ATP10B: variants seen among roughly 807,000 people sequenced by gnomAD.
ATP10B encodes the protein ATPase phospholipid transporting 10B (putative), also known as phospholipid-transporting ATPase VB.
ATP10B carries 122 observed loss-of-function variants against 141.2 expected under a neutral mutation model. The observed-to-expected ratio is 0.86, with a 90% CI of 0.75 to 1.00. The LOEUF (loss-of-function observed/expected upper bound fraction) is 1.00. Ranked by LOEUF, ATP10B falls within the 50% of genes least tolerant of loss-of-function variation. The probability of loss-of-function intolerance (pLI) is 0.00; values close to 1 mark genes in which losing one functional copy is unlikely to be tolerated. For missense variants in ATP10B, 1,876 were observed against 1,825.3 expected, an observed-to-expected ratio of 1.03 and a Z score of -0.51; for synonymous variants, 685 against 692.0, an observed-to-expected ratio of 0.99 and a Z score of 0.16.
chr5:160,908,404 T>C, the ATP10B span, among the ~76,000 whole-genome samples: 15 of 152,294 alleles, frequency 9.8e-5, no homozygotes, highest in East Asian at 2.5e-3. Context: ...CGCTGGCCCA[T>C]AGTCATTGAA....
chr5:160,782,867 T>C (rs1205406281), intron 2 of ATP10B, among the ~76,000 whole-genome samples: 1 of 152,080 alleles, frequency 6.6e-6, no homozygotes, highest in African/African-American at 2.4e-5. Flanking sequence ...GAATAGCTTG[T>C]ATAAAAGGAT....
chr5:160,893,359 G>A, the ATP10B span, among the ~76,000 whole-genome samples: 1 of 152,136 alleles, frequency 6.6e-6, no homozygotes, highest in Non-Finnish European at 1.5e-5. Flanking sequence ...AGCTTGGTGG[G>A]GGGAGGGGTG....
At chr5:160,862,403 T>C in the ATP10B span, among the ~76,000 whole-genome samples, 1 of 151,984 alleles carries the variant, frequency 6.6e-6, no homozygotes, top group Non-Finnish European at 1.5e-5. Context: ...GTTTACCCTG[T>C]GGATTTCACA....
intron 3 of ATP10B, among the ~76,000 whole-genome samples, chr5:160,698,403 A>G (rs1764492477): frequency 2.0e-5 from 3 of 152,114 alleles, no homozygotes; most frequent in Admixed American, 2.0e-4. Flanking sequence ...TACTGTTGAG[A>G]TTAATATATT....
At chr5:160,697,420 T>C (rs1764433612) in intron 3 of ATP10B, among the ~76,000 whole-genome samples, 3 of 152,176 alleles carry the variant, frequency 2.0e-5, no homozygotes, top group Admixed American at 6.5e-5. Flanking sequence ...CATCTACATA[T>C]AGCTGCTTGT....
chr5:160,835,631 T>G (rs1476449283), intron 1 of ATP10B, among the ~76,000 whole-genome samples: 1 of 152,152 alleles, frequency 6.6e-6, no homozygotes, highest in African/African-American at 2.4e-5. Context: ...CCACATCATT[T>G]TCAACCAAAG....
At chr5:160,632,617 G>T in intron 12 of ATP10B, 16 of 186,468 alleles carry the variant, frequency 8.6e-5, no homozygotes, top group East Asian at 2.1e-4. Flanking sequence ...TATTTCCTCA[G>T]AGGTTTTTTT....
chr5:160,927,253 A>C, the ATP10B span, among the ~76,000 whole-genome samples: 1 of 152,206 alleles, frequency 6.6e-6, no homozygotes, highest in East Asian at 1.9e-4. Context: ...GGGTGGCTTG[A>C]TAAAGCAGGG....
intron 24 of ATP10B, among the ~76,000 whole-genome samples, chr5:160,573,229 A>G (rs1342619805): frequency 6.6e-6 from 1 of 152,230 alleles, no homozygotes; most frequent in African/African-American, 2.4e-5. Context: ...TCATTCAGCC[A>G]TGTGAGTGAT....
At chr5:160,626,320 A>G (rs1484767875) in intron 13 of ATP10B, among the ~76,000 whole-genome samples, 2 of 152,210 alleles carry the variant, frequency 1.3e-5, no homozygotes, top group Non-Finnish European at 1.5e-5. Context: ...TTTGAGCTCA[A>G]ACGATATCCT....
At chr5:160,809,786 T>C (rs1271905584) in intron 1 of ATP10B, among the ~76,000 whole-genome samples, 21 of 152,200 alleles carry the variant, frequency 1.4e-4, no homozygotes, top group Non-Finnish European at 2.9e-5. Flanking sequence ...TCCTTAAACA[T>C]AGAACTCATC....
chr5:160,590,409 G>C (rs1002549536), intron 23 of ATP10B, among the ~76,000 whole-genome samples: 2 of 152,132 alleles, frequency 1.3e-5, no homozygotes, highest in African/African-American at 2.4e-5. Flanking sequence ...GGTTGGATAA[G>C]CAACAGTGTT....
In ATP10B at chr5:160,598,982, G is replaced by C. The variant is rs912943192; in HGVS notation, c.3364-12C>G. 1.2e-6 allele frequency: 2 copies of C among 1,613,250 alleles called. No homozygotes were observed. Among genetic ancestry groups the C allele is most frequent in the South Asian group, 2.2e-5 (2 of 90,918 alleles). On this transcript the variant is annotated splice_polypyrimidine_tract_variant and intron_variant, in intron 21 of 25. Coordinates refer to ENST00000327245, the MANE Select transcript of ATP10B (RefSeq NM_025153.3). ...AGGTTGACGTAGCACTGCAGGCAGA[G>C]AGCATGGCCTTGTGAGTGGGGCTCC... is the stretch of plus-strand genomic sequence containing the variant.
chr5:160,828,698 C>G (rs990196650), intron 1 of ATP10B, among the ~76,000 whole-genome samples: 2 of 151,894 alleles, frequency 1.3e-5, no homozygotes, highest in African/African-American at 4.9e-5. Flanking sequence ...CCAGCCATCC[C>G]ATTACTGGGT....
intron 17 of ATP10B, among the ~76,000 whole-genome samples, chr5:160,615,089 C>T (rs937017360): frequency 6.6e-6 from 1 of 152,208 alleles, no homozygotes; most frequent in African/African-American, 2.4e-5. Context: ...TTCCATGCTG[C>T]AGCAAGCAGC....
chr5:160,822,899 G>T lies in ATP10B; in HGVS notation c.-576+29042C>A, dbSNP rs1268960997. ...ACAGGGTAGTTGGAGGGGTAGTGGA[G>T]ATGGCTAATGGGTACAAAAAATAGA... On this transcript the variant is annotated intron_variant, in intron 1 of 25. Coordinates refer to ENST00000327245, the MANE Select transcript of ATP10B (RefSeq NM_025153.3). Among the ~76,000 whole-genome samples the T allele has an allele frequency of 2.0e-5, 3 of 149,490 alleles. No homozygotes were observed. The Admixed American group carries it at 2.0e-4, about 10-fold the overall frequency.
At chr5:160,928,324 T>C in the ATP10B span, among the ~76,000 whole-genome samples, 2 of 152,170 alleles carry the variant, frequency 1.3e-5, no homozygotes, top group Admixed American at 1.3e-4. Flanking sequence ...GAGCGGGCCA[T>C]TGAGGTCTGA....
At chr5:160,786,944 G>A (rs765363893) in intron 1 of ATP10B, among the ~76,000 whole-genome samples, 104 of 152,128 alleles carry the variant, frequency 6.8e-4, no homozygotes, top group Non-Finnish European at 1.3e-3. Context: ...TTGGTCATCT[G>A]CATGACAGCT....
intron 23 of ATP10B, among the ~76,000 whole-genome samples, chr5:160,590,619 C>T (rs1431024581): frequency 1.3e-5 from 2 of 152,200 alleles, no homozygotes; most frequent in African/African-American, 4.8e-5. Context: ...TGAAGGCTAG[C>T]TTCCTTGACC....
Sources: gnomAD v4.1 joint callset for allele counts (sites outside exome capture counted in the v4.1 genomes callset) on GRCh38, gnomAD v4.1.1 for gene constraint, MANE v1.5 for transcripts, NCBI Gene and HGNC (gene_info 2026-07-23, HGNC 2026-07-21) for gene names.